Variants in CC2D2A observed in about 807,000 individuals in gnomAD.
CC2D2A encodes coiled-coil and C2 domain-containing protein 2A.
CC2D2A carries 155 observed loss-of-function variants against 212.9 expected under a neutral mutation model. The ratio of observed to expected loss-of-function variants is 0.73; its 90% CI spans 0.64 to 0.83. The LOEUF (loss-of-function observed/expected upper bound fraction) is 0.83. Among genes scored for constraint, CC2D2A ranks in the 40% least tolerant of loss-of-function variants. The probability of loss-of-function intolerance (pLI) is 0.00; values close to 1 mark genes in which losing one functional copy is unlikely to be tolerated. For missense variants in CC2D2A, 1,856 were observed against 1,956.2 expected, an observed-to-expected ratio of 0.95 and a Z score of 0.97; for synonymous variants, 667 against 686.5, an observed-to-expected ratio of 0.97 and a Z score of 0.44.
At chr4:15,583,391 C>A (rs1720730747) in intron 30 of CC2D2A, among the ~76,000 whole-genome samples, 1 of 152,166 alleles carries the variant, frequency 6.6e-6, no homozygotes, top group Non-Finnish European at 1.5e-5. Context: ...AGGAGGAAGT[C>A]AAGTTGTTCT....
chr4:15,507,545 G>A (rs971501231), intron 6 of CC2D2A, among the ~76,000 whole-genome samples: 1 of 152,188 alleles, frequency 6.6e-6, no homozygotes, highest in Admixed American at 6.5e-5. Context: ...CAACTATGTA[G>A]AGGCCAAGGG....
At chr4:15,514,997 A>G (rs1716779956) in intron 9 of CC2D2A, 128 bp downstream of exon 9, 4 of 796,014 alleles carry the variant, frequency 5.0e-6, no homozygotes, top group Non-Finnish European at 7.8e-6. Context: ...CAATCAAGAA[A>G]TATCTTCAAA....
chr4:15,537,622 T>A (rs1718204393), intron 15 of CC2D2A, among the ~76,000 whole-genome samples: 2 of 152,220 alleles, frequency 1.3e-5, no homozygotes, highest in Non-Finnish European at 2.9e-5. Flanking sequence ...TACCATTTTT[T>A]AAGCTCTTTC....
intron 11 of CC2D2A, among the ~76,000 whole-genome samples, chr4:15,517,740 CT>C (rs1189053359): frequency 9.9e-5 from 15 of 152,140 alleles, no homozygotes; most frequent in Non-Finnish European, 1.2e-4. Context: ...TGTTATCACG[CT>C]GCTGATAAAG....
chr4:15,494,846 T>C (rs928404427), intron 4 of CC2D2A, among the ~76,000 whole-genome samples: 2 of 152,218 alleles, frequency 1.3e-5, no homozygotes, highest in Non-Finnish European at 2.9e-5. Context: ...ACAGTTACAA[T>C]ATGTAACAGG....
chr4:15,526,662 T>C (rs1216989223), intron 11 of CC2D2A, among the ~76,000 whole-genome samples: 1 of 152,140 alleles, frequency 6.6e-6, no homozygotes, highest in Non-Finnish European at 1.5e-5. Flanking sequence ...AACCACCATA[T>C]CCTTACTATA....
chr4:15,552,551 G>A (rs1463043185), intron 18 of CC2D2A, among the ~76,000 whole-genome samples: 2 of 152,062 alleles, frequency 1.3e-5, no homozygotes, highest in Non-Finnish European at 2.9e-5. Context: ...AACATACTAA[G>A]TATTTCTCTT....
intron 14 of CC2D2A, among the ~76,000 whole-genome samples, chr4:15,536,576 A>G (rs552114753): frequency 3.9e-5 from 6 of 152,158 alleles, no homozygotes; most frequent in Non-Finnish European, 7.3e-5. Flanking sequence ...AATTTCCACC[A>G]CTATCAGCTG....
In CC2D2A at chr4:15,514,752, T is replaced by C; in HGVS notation, c.763T>C (p.Leu255=). Residue 255 remains leucine, a synonymous_variant, in exon 9 of 37, where the codon TTG becomes CTG. Transcript: ENST00000424120. ...TGGTGATGATGCCGAGGACTTCCTA[T>C]TGGGCTTAGATCACGTGGCTGACGA... The part of the protein sequence containing the change: ...LNGDDAEDFL[L]GLDHVADDFV... The C allele has an allele frequency of 1.9e-6, 3 of 1,609,716 alleles. No homozygotes were observed. Among genetic ancestry groups the C allele is most frequent in the Admixed American group, 1.7e-5 (1 of 59,864 alleles).
chr4:15,486,559 T>A (rs1213145375), intron 4 of CC2D2A, among the ~76,000 whole-genome samples: 1 of 152,034 alleles, frequency 6.6e-6, no homozygotes, highest in Non-Finnish European at 1.5e-5. Flanking sequence ...TTTTTCTTAA[T>A]CTGGCTAAAG....
chr4:15,599,761 A>C, intron 36 of CC2D2A, 55 bp downstream of exon 36: 2 of 1,385,396 alleles, frequency 1.4e-6, no homozygotes, highest in Non-Finnish European at 2.0e-6. Context: ...TCAAATTGGA[A>C]ATTAGCCAAT....
At chr4:15,483,825 A>G (rs1714837961) in intron 4 of CC2D2A, among the ~76,000 whole-genome samples, 1 of 152,116 alleles carries the variant, frequency 6.6e-6, no homozygotes, top group South Asian at 2.1e-4. Context: ...TTTGGTTCCC[A>G]CTTTAAGAGA....
rs749583615 is a variant in CC2D2A at position 15,563,523 on chromosome 4, G to T, written c.3182+1G>T. 6.2e-7 allele frequency: 1 copy of T among 1,611,106 alleles called. No individual in the cohort carries two copies. The highest frequency in any genetic ancestry group is 8.5e-7 in the Non-Finnish European group (1 of 1,178,798). On this transcript the variant is annotated splice_donor_variant, in intron 24 of 36. Transcript: ENST00000424120. LOFTEE classifies it high-confidence loss of function. ...TTCCAGTGAGGAAGCCGGCAGTGAGGTGAGAGCCCTCCCAACAGCCCGAGA... is the reference window on the plus strand; with the variant it reads ...TTCCAGTGAGGAAGCCGGCAGTGAGTTGAGAGCCCTCCCAACAGCCCGAGA...
chr4:15,476,686 T>G (rs928296140), intron 2 of CC2D2A, among the ~76,000 whole-genome samples: 2 of 152,214 alleles, frequency 1.3e-5, no homozygotes, highest in Non-Finnish European at 2.9e-5. Flanking sequence ...AGCACGCTGA[T>G]TTCTAAAGAC....
At chr4:15,537,176 G>A (rs1718178346) in intron 15 of CC2D2A, 100 bp downstream of exon 15, 1 of 972,216 alleles carries the variant, frequency 1.0e-6, no homozygotes, top group Non-Finnish European at 1.5e-6. Context: ...GGCAGACTAG[G>A]GTATCCTGTG....
rs145662161 is a variant in CC2D2A at position 15,508,498 on chromosome 4, A to G, written c.439-1641A>G. Among the ~76,000 whole-genome samples the G allele has an allele frequency of 8.5e-5, 13 of 152,338 alleles. No homozygotes were observed. The East Asian group carries it at 2.5e-3, about 29-fold the overall frequency. On this transcript the variant is annotated intron_variant, in intron 6 of 36. Coordinates refer to ENST00000424120, the MANE Select transcript of CC2D2A (RefSeq NM_001378615.1). ...ACCATTAATGCACCTGACTGGTTAT[A>G]TTTTATGTACATTTCCTTATTTGAT...
At chr4:15,575,066 A>T (rs1185264142) in intron 29 of CC2D2A, among the ~76,000 whole-genome samples, 2 of 152,244 alleles carry the variant, frequency 1.3e-5, no homozygotes, top group African/African-American at 2.4e-5. Flanking sequence ...CCTGTAACAT[A>T]GTTGTATAGC....
chr4:15,535,226 G>A (rs2109032043), intron 14 of CC2D2A, among the ~76,000 whole-genome samples: 1 of 152,182 alleles, frequency 6.6e-6, no homozygotes, highest in South Asian at 2.1e-4. Context: ...CTCCTAGGCT[G>A]AGCCTCCCAC....
chr4:15,589,077 T>G (rs970592273), intron 32 of CC2D2A, among the ~76,000 whole-genome samples: 7 of 151,902 alleles, frequency 4.6e-5, no homozygotes, highest in African/African-American at 1.7e-4. Context: ...CATTCTTAAC[T>G]GTTTGGTACA....
Sources: gnomAD v4.1 joint callset for allele counts (sites outside exome capture counted in the v4.1 genomes callset) on GRCh38, gnomAD v4.1.1 for gene constraint, MANE v1.5 for transcripts, NCBI Gene and HGNC (gene_info 2026-07-23, HGNC 2026-07-21) for gene names.